NUBPL: variants seen among roughly 807,000 people sequenced by gnomAD.
The protein encoded by NUBPL is NUBP iron-sulfur cluster assembly factor, mitochondrial.
In NUBPL, 31 loss-of-function variants were observed where a neutral mutation model predicts 45.7. The observed-to-expected ratio is 0.68, with a 90% CI of 0.51 to 0.92. The LOEUF is 0.92. Among genes scored for constraint, NUBPL ranks in the 40% least tolerant of loss-of-function variants. The pLI, the probability that NUBPL is intolerant of heterozygous loss-of-function variation, is 0.00. For synonymous variants in NUBPL, 144 were observed against 140.9 expected (o/e 1.02, Z -0.15); for missense variants, 401 against 398.7 (o/e 1.01, Z -0.05).
rs1219334725 is a variant in NUBPL, at chr14:31,730,463, C to CTT, written c.513+56906_513+56907dup. Among the ~76,000 whole-genome samples, 1,329 of 137,814 alleles carry CTT rather than the reference C, an allele frequency of 9.6e-3. 19 individuals are homozygous for CTT. The highest frequency in any genetic ancestry group is 0.033 in the African/African-American group (1,237 of 37,590). The allele number at this position is 137,814 out of a possible 152,430, so 90.4% of individuals were successfully genotyped here. ...ATCATCATCTGCTGGATCAAGTAAT[C>CTT]TTTTTTTTTTTTTTTTTTGAGATGG... On this transcript the variant is annotated intron_variant, in intron 6 of 10. Coordinates refer to ENST00000281081, the MANE Select transcript of NUBPL (RefSeq NM_025152.3).
chr14:31,763,617 A>G (rs1815681472), intron 6 of NUBPL, among the ~76,000 whole-genome samples: 1 of 152,094 alleles, frequency 6.6e-6, no homozygotes, highest in South Asian at 2.1e-4. Context: ...TTTTGTTTTG[A>G]TTTATTGTCC....
In NUBPL at chr14:31,632,584, G is replaced by T. The variant is rs528374456; in HGVS notation, c.382+33205G>T. On this transcript the variant is annotated intron_variant, in intron 4 of 10. Transcript: ENST00000281081. ...AAGATACACAAAGTTTGAAATGAGA[G>T]AAAAAATAGTTTATAGATTATTATT... is the stretch of plus-strand genomic sequence containing the variant. Among the ~76,000 whole-genome samples, 4 of 152,108 alleles carry T rather than the reference G, an allele frequency of 2.6e-5. No homozygotes were observed. The East Asian group carries it at 7.7e-4, about 29-fold the overall frequency.
chr14:31,569,978 G>A (rs775710429), intron 3 of NUBPL, among the ~76,000 whole-genome samples: 3 of 152,180 alleles, frequency 2.0e-5, no homozygotes, highest in Non-Finnish European at 4.4e-5. Flanking sequence ...GAGACTGGGA[G>A]AGGGAAACTT....
intron 8 of NUBPL, chr14:31,843,923 A>G (rs1298451777): frequency 1.3e-5 from 2 of 152,184 alleles, no homozygotes; most frequent in African/African-American, 2.4e-5. Context: ...CAATTACAGT[A>G]CAAGCTCCAA....
intron 6 of NUBPL, chr14:31,772,057 C>A: frequency 6.2e-6 from 1 of 162,564 alleles, no homozygotes; most frequent in Non-Finnish European, 1.3e-5. Flanking sequence ...ACTCCTGTCC[C>A]TTTAGGACCT....
At chr14:31,744,677 A>C in intron 6 of NUBPL, among the ~76,000 whole-genome samples, 1 of 135,364 alleles carries the variant, frequency 7.4e-6, no homozygotes, top group East Asian at 2.2e-4. Flanking sequence ...GCTGGAATGC[A>C]GTGGCACAAT....
At chr14:31,673,730 A>G (rs999382263) in intron 6 of NUBPL, among the ~76,000 whole-genome samples, 156 bp downstream of exon 6, 1 of 152,230 alleles carries the variant, frequency 6.6e-6, no homozygotes, top group Non-Finnish European at 1.5e-5. Context: ...TGTGATGCCA[A>G]GACCAAACTT....
intron 4 of NUBPL, among the ~76,000 whole-genome samples, chr14:31,635,764 C>G (rs990288919): frequency 0.021 from 3,165 of 151,166 alleles, 118 homozygotes; most frequent in African/African-American, 0.072. Flanking sequence ...CTTTTATTTC[C>G]TTGAGCAGTG....
At chr14:31,726,987 A>G (rs1204046752) in intron 6 of NUBPL, among the ~76,000 whole-genome samples, 5 of 152,182 alleles carry the variant, frequency 3.3e-5, no homozygotes, top group Admixed American at 1.3e-4. Flanking sequence ...AGTCATAGCA[A>G]TAAAAAATAT....
intron 7 of NUBPL, among the ~76,000 whole-genome samples, chr14:31,817,614 T>G (rs2039943635): frequency 6.6e-6 from 1 of 151,474 alleles, no homozygotes; most frequent in South Asian, 2.1e-4. Flanking sequence ...AATAAAATCC[T>G]TTATAGACAA....
chr14:31,714,297 C>T (rs12050202), intron 6 of NUBPL, among the ~76,000 whole-genome samples: 111,054 of 152,056 alleles, frequency 0.73, 47,063 homozygotes, highest in East Asian at 0.99. Context: ...AAAGCCTTGG[C>T]CTTTGATGAT....
intron 4 of NUBPL, among the ~76,000 whole-genome samples, chr14:31,665,810 G>A (rs1475679881): frequency 6.6e-6 from 1 of 152,072 alleles, no homozygotes; most frequent in East Asian, 1.9e-4. Flanking sequence ...TTGTTGATCT[G>A]TCTAGTATTG....
At chr14:31,564,672 A>G (rs939618790) in intron 2 of NUBPL, among the ~76,000 whole-genome samples, 7 of 152,160 alleles carry the variant, frequency 4.6e-5, no homozygotes. Context: ...GGTTTTGAAA[A>G]TAATTGAATT....
chr14:31,715,399 T>C (rs1480067113), intron 6 of NUBPL, among the ~76,000 whole-genome samples: 1 of 152,212 alleles, frequency 6.6e-6, no homozygotes, highest in Admixed American at 6.5e-5. Flanking sequence ...AATTTGTCCA[T>C]AGGCAATTTT....
chr14:31,690,810 G>A (rs1243608882), intron 6 of NUBPL, among the ~76,000 whole-genome samples: 1 of 152,150 alleles, frequency 6.6e-6, no homozygotes, highest in East Asian at 1.9e-4. Context: ...CCTTGTAGAC[G>A]CCACACCAGA....
At chr14:31,770,605 C>G (rs1014413324) in intron 6 of NUBPL, among the ~76,000 whole-genome samples, 7 of 152,214 alleles carry the variant, frequency 4.6e-5, no homozygotes, top group African/African-American at 1.7e-4. Flanking sequence ...ACGCCTACAT[C>G]TTAGCTGAAT....
Position 31,846,607 on chromosome 14 carries a change from G to A in NUBPL, c.814+16G>A, listed in dbSNP as rs1302090425. ...GAAGTTCTAGGTAAGACTGTGGGAT[G>A]TTCTTTTGTAGAAGAAGTGGCAGAA... On this transcript the variant is annotated intron_variant, in intron 9 of 10. Transcript: ENST00000281081. The A allele has an allele frequency of 1.2e-6, 2 of 1,612,898 alleles. No homozygotes were observed. The highest frequency in any genetic ancestry group is 1.3e-5 in the African/African-American group (1 of 74,894).
chr14:31,856,685 C>T (rs2040626096), intron 10 of NUBPL, among the ~76,000 whole-genome samples: 1 of 152,162 alleles, frequency 6.6e-6, no homozygotes, highest in Non-Finnish European at 1.5e-5. Flanking sequence ...GGGCTACAGG[C>T]CCCATGCAAG....
chr14:31,804,608 T>TA (rs1388334019), intron 7 of NUBPL, among the ~76,000 whole-genome samples: 3 of 152,126 alleles, frequency 2.0e-5, no homozygotes, highest in Non-Finnish European at 4.4e-5. Context: ...TGGAACATAA[T>TA]AGAGAGCCCA....
Sources: allele counts gnomAD v4.1 joint callset (sites outside exome capture counted in the v4.1 genomes callset), GRCh38; gene constraint gnomAD v4.1.1; transcripts MANE v1.5; gene names NCBI Gene and HGNC (gene_info 2026-07-23, HGNC 2026-07-21).